Variants in FRMD4A observed in about 807,000 individuals in gnomAD.
The protein encoded by FRMD4A is FERM domain containing 4A.
A neutral mutation model predicts 129.1 loss-of-function variants in FRMD4A; 29 were observed. That is an observed-to-expected ratio of 0.22 (90% CI 0.17 to 0.31). FRMD4A has a LOEUF of 0.31. FRMD4A is among the 10% of genes least tolerant of loss of function. The probability of loss-of-function intolerance (pLI) is 1.00; values close to 1 mark genes in which losing one functional copy is unlikely to be tolerated. For missense variants in FRMD4A, 1,272 were observed against 1,375.8 expected, an observed-to-expected ratio of 0.92 and a Z score of 1.19; for synonymous variants, 634 against 571.6, an observed-to-expected ratio of 1.11 and a Z score of -1.56.
chr10:13,888,294 T>C (rs2094649681), intron 2 of FRMD4A, among the ~76,000 whole-genome samples: 1 of 152,200 alleles, frequency 6.6e-6, no homozygotes, highest in Non-Finnish European at 1.5e-5. Flanking sequence ...AACCCAAATA[T>C]CTACATACCC....
At chr10:14,065,717 G>A (rs946948754) in intron 2 of FRMD4A, among the ~76,000 whole-genome samples, 1 of 152,114 alleles carries the variant, frequency 6.6e-6, no homozygotes, top group African/African-American at 2.4e-5. Flanking sequence ...TAAATAAACC[G>A]TGGCCCAATC....
At position 13,644,863 on chromosome 10, in the gene FRMD4A, C is replaced by T. The variant is rs1005290116; in HGVS notation, c.*2175G>A. 2 of 152,236 alleles carry T rather than the reference C, an allele frequency of 1.3e-5. No individual in the cohort carries two copies. The highest frequency in any genetic ancestry group is 4.8e-5 in the African/African-American group (2 of 41,454). 9.4% of individuals were successfully genotyped at this position (152,236 alleles called of 1,614,324 possible). On this transcript the variant is annotated 3_prime_UTR_variant, in exon 25 of 25. Transcript: ENST00000357447. ...AAGTAAAAGCAACAAAAATATCCCC[C>T]AGTGAATCCCTAGAATCATTTAATA...
chr10:13,996,707 T>C (rs1382290984), intron 2 of FRMD4A, among the ~76,000 whole-genome samples: 1 of 152,182 alleles, frequency 6.6e-6, no homozygotes, highest in Non-Finnish European at 1.5e-5. Context: ...CACCTGTTAC[T>C]TACTTTCCTT....
chr10:14,007,506 A>G (rs2095666248), intron 2 of FRMD4A: 1 of 152,482 alleles, frequency 6.6e-6, no homozygotes, highest in South Asian at 2.1e-4. Context: ...AGTAATTTTA[A>G]GCCAAAATCC....
chr10:13,848,912 C>T (rs1589015663), intron 3 of FRMD4A, among the ~76,000 whole-genome samples: 2 of 152,152 alleles, frequency 1.3e-5, no homozygotes, highest in Non-Finnish European at 2.9e-5. Context: ...TCACTCAATG[C>T]GTTTTTTATT....
chr10:13,778,968 A>G (rs1290459533), intron 6 of FRMD4A, among the ~76,000 whole-genome samples: 2 of 151,944 alleles, frequency 1.3e-5, no homozygotes, highest in Non-Finnish European at 2.9e-5. Context: ...TAATAATAAA[A>G]CACTTTTTAG....
At chr10:13,693,027 CTAATTAAT>C (rs57319355) in intron 15 of FRMD4A, 1 of 87,404 alleles carries the variant, frequency 1.1e-5, no homozygotes, top group African/African-American at 3.2e-5. Flanking sequence ...CCACACCTGG[CTAATTAAT>C]TTTTTTTTTT....
At chr10:13,917,756 G>A (rs563919748) in intron 2 of FRMD4A, among the ~76,000 whole-genome samples, 4 of 152,256 alleles carry the variant, frequency 2.6e-5, no homozygotes, top group South Asian at 2.1e-4. Flanking sequence ...GGCTGGCACC[G>A]AAGGTCCCTC....
chr10:14,191,203 T>A (rs1354778852), intron 2 of FRMD4A, among the ~76,000 whole-genome samples: 1 of 152,232 alleles, frequency 6.6e-6, no homozygotes, highest in African/African-American at 2.4e-5. Context: ...ATGTGTGTTA[T>A]CCTCTAAGCC....
intron 2 of FRMD4A, chr10:14,097,236 AG>A (rs1441394778): frequency 6.6e-6 from 1 of 151,578 alleles, no homozygotes; most frequent in Non-Finnish European, 1.5e-5. Context: ...CTCTATCTAT[AG>A]TAAATTTTAG....
In FRMD4A at chr10:13,718,156, C is replaced by T. The variant is rs60531989; in HGVS notation, c.760-11043G>A. ...TCTGGCAGACCTTGGTTTCGGTGGG[C>T]ACCAGAAGCGAGGCAGATTGCTTGC... On this transcript the variant is annotated intron_variant, in intron 12 of 24. Coordinates refer to ENST00000357447, the MANE Select transcript of FRMD4A (RefSeq NM_018027.5). Among the ~76,000 whole-genome samples, 805 of 152,328 alleles carry T rather than the reference C, an allele frequency of 5.3e-3. 8 individuals are homozygous for T. Among genetic ancestry groups the T allele is most frequent in the African/African-American group, 0.018 (766 of 41,578 alleles).
intron 2 of FRMD4A, among the ~76,000 whole-genome samples, chr10:14,104,976 C>G (rs1000104853): frequency 2.6e-5 from 4 of 152,230 alleles, no homozygotes; most frequent in Admixed American, 2.0e-4. Flanking sequence ...TTACACCAAG[C>G]TCTCCTCCAC....
At chr10:13,852,044 G>C (rs1002251371) in intron 3 of FRMD4A, among the ~76,000 whole-genome samples, 9 of 151,988 alleles carry the variant, frequency 5.9e-5, no homozygotes, top group African/African-American at 2.2e-4. Context: ...ATGTTACAAT[G>C]TAGTAATCAT....
chr10:13,980,882 T>C (rs1261325321), intron 2 of FRMD4A, among the ~76,000 whole-genome samples: 1 of 152,242 alleles, frequency 6.6e-6, no homozygotes, highest in Non-Finnish European at 1.5e-5. Context: ...TGTCTTGAGT[T>C]GGTCCATGGA....
intron 2 of FRMD4A, among the ~76,000 whole-genome samples, chr10:13,863,980 CTCTCTCTCTTTCTT>C (rs1346754926): frequency 1.3e-5 from 2 of 152,026 alleles, no homozygotes; most frequent in Non-Finnish European, 2.9e-5. Flanking sequence ...AGTCTTTTCT[CTCTCTCTCTTTCTT>C]TCTCTCTCTC....
rs749773253 is a variant in FRMD4A at position 13,693,710 on chromosome 10, C to T, written c.1117+188G>A. The stretch of plus-strand genomic sequence containing the variant: ...CTTTTTTTTTTTTTTTTCCCTTCCA[C>T]TATTTGATTCCTGGGAGCAGTTTTC... On this transcript the variant is annotated intron_variant, in intron 15 of 24. Coordinates refer to ENST00000357447, the MANE Select transcript of FRMD4A (RefSeq NM_018027.5). The T allele has an allele frequency of 2.0e-5, 14 of 685,582 alleles. No individual in the cohort carries two copies. In the East Asian group the frequency reaches 3.9e-4, roughly 19 times the overall value. 42.5% of individuals were successfully genotyped at this position (685,582 alleles called of 1,614,324 possible).
At position 13,741,939 on chromosome 10, in the gene FRMD4A, C is replaced by A. The variant is rs552956403; in HGVS notation, c.549-1362G>T. 1.0e-3 allele frequency among the ~76,000 whole-genome samples: 159 copies of A among 152,348 alleles called. 1 individual carries two copies. In the Middle Eastern group the frequency reaches 0.024, roughly 23 times the overall value. On this transcript the variant is annotated intron_variant, in intron 9 of 24. Coordinates refer to ENST00000357447, the MANE Select transcript of FRMD4A (RefSeq NM_018027.5). Reference sequence around the variant, plus strand: ...TGGAGCGATCTTGGCTCACCGCAACCTCTGCCTCCCAGTTTAAAGCAATTC... The same window carrying A: ...TGGAGCGATCTTGGCTCACCGCAACATCTGCCTCCCAGTTTAAAGCAATTC...
At chr10:14,142,112 CA>C (rs1839866283) in intron 2 of FRMD4A, among the ~76,000 whole-genome samples, 1 of 151,048 alleles carries the variant, frequency 6.6e-6, no homozygotes, top group Admixed American at 6.6e-5. Context: ...AATAGAAAAA[CA>C]TTTTTATTTT....
intron 2 of FRMD4A, among the ~76,000 whole-genome samples, chr10:14,247,678 C>T (rs919913629): frequency 3.9e-5 from 6 of 152,226 alleles, no homozygotes; most frequent in South Asian, 2.1e-4. Context: ...AAATTAGCCC[C>T]TACATTTAGG....
Sources: allele counts gnomAD v4.1 joint callset (sites outside exome capture counted in the v4.1 genomes callset), GRCh38; gene constraint gnomAD v4.1.1; transcripts MANE v1.5; gene names NCBI Gene and HGNC (gene_info 2026-07-23, HGNC 2026-07-21).